The following DNAH5 variants were observed in gnomAD, a reference collection of about 807,000 sequenced individuals.
DNAH5 encodes the protein axonemal beta dynein heavy chain 5.
A neutral mutation model predicts 518.2 loss-of-function variants in DNAH5; 372 were observed. The ratio of observed to expected loss-of-function variants is 0.72; its 90% CI spans 0.66 to 0.78. The LOEUF is 0.78. Among genes scored for constraint, DNAH5 ranks in the 30% least tolerant of loss-of-function variants. The pLI is 0.00. For missense variants in DNAH5, 5,523 were observed against 5,687.0 expected (o/e 0.97, Z 0.93); for synonymous variants, 2,039 against 2,025.9 (o/e 1.01, Z -0.17).
chr5:13,890,170 G>A (rs1773000671), intron 17 of DNAH5, among the ~76,000 whole-genome samples: 1 of 152,162 alleles, frequency 6.6e-6, no homozygotes, highest in Non-Finnish European at 1.5e-5. Flanking sequence ...ACTTTGGGAG[G>A]CCGAGGCAGG....
chr5:13,983,114 T>C (rs1378157356), intron 1 of DNAH5, among the ~76,000 whole-genome samples: 1 of 152,252 alleles, frequency 6.6e-6, no homozygotes, highest in Non-Finnish European at 1.5e-5. Context: ...TGGATTTTTC[T>C]GACTCCTAGT....
intron 76 of DNAH5, among the ~76,000 whole-genome samples, chr5:13,704,220 A>C (rs754825048): frequency 5.9e-5 from 9 of 152,164 alleles, no homozygotes; most frequent in Non-Finnish European, 1.2e-4. Context: ...ACAGTTAGGA[A>C]GCCCAGCCAG....
At chr5:13,865,943 T>G in intron 26 of DNAH5, 37 bp from the exon 27 acceptor site, 1 of 1,330,132 alleles carries the variant, frequency 7.5e-7, no homozygotes, top group Non-Finnish European at 1.1e-6. Context: ...TCAAAATGAT[T>G]TATACATGAT....
At position 13,758,933 on chromosome 5, in the gene DNAH5, C is replaced by A; in HGVS notation, c.10332G>T (p.Leu3444=). Residue 3444 remains leucine (L), a synonymous_variant, in exon 61 of 79, where the codon CTG becomes CTT. Transcript: ENST00000265104. The part of the protein sequence containing the change: ...ENRHLLAMQD[L]QKAQAELDDK... ...CATCCAACTCGGCCTGGGCTTTCTG[C>A]AGATCCTGCATGGCCAGGAGATGGC... is the stretch of plus-strand genomic sequence containing the variant. The A allele has an allele frequency of 6.2e-7, 1 of 1,614,186 alleles. No homozygotes were observed. The highest frequency in any genetic ancestry group is 8.5e-7 in the Non-Finnish European group (1 of 1,180,012).
chr5:13,989,632 C>T (rs1169272233), intron 1 of DNAH5, among the ~76,000 whole-genome samples: 2 of 151,874 alleles, frequency 1.3e-5, no homozygotes, highest in African/African-American at 4.8e-5. Context: ...TACAGGCGCC[C>T]GCCATCACAC....
chr5:13,977,784 G>A (rs1782374136), intron 1 of DNAH5, among the ~76,000 whole-genome samples: 2 of 152,198 alleles, frequency 1.3e-5, no homozygotes, highest in South Asian at 2.1e-4. Flanking sequence ...ATGAGCAGGG[G>A]AAGTCCTTGG....
At position 13,779,132 on chromosome 5, in the gene DNAH5, T is replaced by C. The variant is rs558754354; in HGVS notation, c.8951+1697A>G. Among the ~76,000 whole-genome samples, 130 of 152,324 alleles carry C rather than the reference T, an allele frequency of 8.5e-4. 1 individual carries two copies. The highest frequency in any genetic ancestry group is 3.0e-3 in the African/African-American group (124 of 41,578). ...TGAAGATCAAATTAGCTCATGCATG[T>C]AAAAGTGCTTTGAAAACTACAAGGT... On this transcript the variant is annotated intron_variant, in intron 53 of 78. Transcript: ENST00000265104.
intron 65 of DNAH5, among the ~76,000 whole-genome samples, chr5:13,744,705 T>C (rs977316788): frequency 6.6e-6 from 1 of 152,136 alleles, no homozygotes; most frequent in Non-Finnish European, 1.5e-5. Context: ...TAAATGATTT[T>C]TTACTGTAAG....
intron 24 of DNAH5, among the ~76,000 whole-genome samples, chr5:13,870,263 C>A (rs1268510172): frequency 6.6e-6 from 1 of 152,120 alleles, no homozygotes; most frequent in Non-Finnish European, 1.5e-5. Flanking sequence ...TCCCCGACTA[C>A]TGAGAGTGCT....
chr5:13,874,322 A>G (rs1442969772), intron 22 of DNAH5, among the ~76,000 whole-genome samples: 1 of 152,220 alleles, frequency 6.6e-6, no homozygotes, highest in African/African-American at 2.4e-5. Flanking sequence ...AATATTAAGA[A>G]TATACCCTAA....
At chr5:14,010,248 C>T (rs910559614) in intron 1 of DNAH5, among the ~76,000 whole-genome samples, 1 of 152,046 alleles carries the variant, frequency 6.6e-6, no homozygotes, top group Non-Finnish European at 1.5e-5. Context: ...ATGTAATTTC[C>T]TAGTTTACTA....
intron 1 of DNAH5, among the ~76,000 whole-genome samples, chr5:13,985,123 T>C (rs1220542654): frequency 6.6e-6 from 1 of 152,064 alleles, no homozygotes; most frequent in Non-Finnish European, 1.5e-5. Flanking sequence ...TTCGTGTCCT[T>C]TGTAGGGACA....
intron 78 of DNAH5, among the ~76,000 whole-genome samples, chr5:13,693,843 C>T (rs113502963): frequency 2.2e-3 from 337 of 152,328 alleles, no homozygotes; most frequent in African/African-American, 6.4e-3. Flanking sequence ...CCTAAAACAA[C>T]GTGATACCTA....
chr5:14,006,566 C>T (rs1480088572), intron 1 of DNAH5, among the ~76,000 whole-genome samples: 3 of 152,164 alleles, frequency 2.0e-5, no homozygotes, highest in Admixed American at 2.0e-4. Context: ...CCGATCATAT[C>T]GGATTGGAGC....
intron 1 of DNAH5, among the ~76,000 whole-genome samples, chr5:13,936,180 A>G (rs1778908074): frequency 6.6e-6 from 1 of 152,206 alleles, no homozygotes; most frequent in African/African-American, 2.4e-5. Flanking sequence ...CACTAATTGC[A>G]AGACCTCACA....
At position 13,794,030 on chromosome 5, in the gene DNAH5, C is replaced by T. The variant is rs140968268; in HGVS notation, c.7916G>A (p.Arg2639Gln). ...QRTIESYVDK[R>Q]MGTTYGPPAG... ...AGGAGGGCCATATGTTGTACCCATTCGTTTATCCACATAGCTCTCTATCGT... is the reference window on the plus strand; with the variant it reads ...AGGAGGGCCATATGTTGTACCCATTTGTTTATCCACATAGCTCTCTATCGT... Residue 2639 changes from arginine to glutamine, a missense_variant, in exon 48 of 79, where the codon CGA (arginine) becomes CAA (glutamine). By Grantham distance (43) the Arg-to-Gln change is conservative. Coordinates refer to ENST00000265104, the MANE Select transcript of DNAH5 (RefSeq NM_001369.3). 1.9e-6 allele frequency: 3 copies of T among 1,613,860 alleles called. No individual in the cohort carries two copies. Among genetic ancestry groups the T allele is most frequent in the East Asian group, 2.2e-5 (1 of 44,874 alleles).
chr5:13,885,362 T>C, intron 18 of DNAH5, 134 bp from the exon 19 acceptor site: 1 of 1,119,136 alleles, frequency 8.9e-7, no homozygotes, highest in Non-Finnish European at 1.3e-6. Context: ...TTAGTATCAC[T>C]TAAACATCAC....
chr5:13,743,344 T>C (rs867279406), intron 65 of DNAH5, among the ~76,000 whole-genome samples: 107 of 152,160 alleles, frequency 7.0e-4, no homozygotes, highest in African/African-American at 2.5e-3. Flanking sequence ...ATCAAAGATC[T>C]AAAAGTAAGA....
rs1327112486 is a variant in DNAH5 at position 13,885,125 on chromosome 5, C to G, written c.2847G>C (p.Glu949Asp). 1.2e-6 allele frequency: 2 copies of G among 1,614,224 alleles called. No homozygotes were observed. The highest frequency in any genetic ancestry group is 2.2e-5 in the East Asian group (1 of 44,874). Residue 949 changes from glutamate (E) to aspartate (D), a missense_variant, in exon 19 of 79, where the codon GAG (glutamate) becomes GAC (aspartate). Glu to Asp is a conservative substitution (Grantham distance 45). Transcript: ENST00000265104. ...ACTCGCGGGCTTCTTCCCCTAACATCTCAGTTTCTTTCTTTTTCCTCGTGA... is the reference window on the plus strand; with the variant it reads ...ACTCGCGGGCTTCTTCCCCTAACATGTCAGTTTCTTTCTTTTTCCTCGTGA... ...TTVTRKKKETEMLGEEARELL... is the reference protein window; with the variant it reads ...TTVTRKKKETDMLGEEARELL...
Sources: gnomAD v4.1 joint callset for allele counts (sites outside exome capture counted in the v4.1 genomes callset) on GRCh38, gnomAD v4.1.1 for gene constraint, MANE v1.5 for transcripts, NCBI Gene and HGNC (gene_info 2026-07-23, HGNC 2026-07-21) for gene names.